SLX4IP: variants seen among roughly 807,000 people sequenced by gnomAD.
SLX4IP encodes the protein SLX4 interacting protein.
In SLX4IP, 34 loss-of-function variants were observed where a neutral mutation model predicts 32.9. The ratio of observed to expected loss-of-function variants is 1.03; its 90% CI spans 0.79 to 1.38. The LOEUF (loss-of-function observed/expected upper bound fraction) is 1.38, where lower values mean the gene tolerates loss of function less well. Among genes scored for constraint, SLX4IP ranks in the 40% most tolerant of loss-of-function variants. SLX4IP has a pLI of 0.00. For missense variants in SLX4IP, 444 were observed against 479.0 expected (o/e 0.93, Z 0.68); for synonymous variants, 172 against 171.7 (o/e 1.00, Z -0.01).
At chr20:10,592,248 T>C (rs2122538703) in intron 4 of SLX4IP, among the ~76,000 whole-genome samples, 1 of 152,256 alleles carries the variant, frequency 6.6e-6, no homozygotes, top group South Asian at 2.1e-4. Context: ...CAAATTTGTT[T>C]CCCAGTTGTG....
At chr20:10,463,117 T>C (rs574504002) in intron 2 of SLX4IP, among the ~76,000 whole-genome samples, 2 of 152,246 alleles carry the variant, frequency 1.3e-5, no homozygotes, top group South Asian at 4.1e-4. Context: ...TAATACCCTC[T>C]TCGTTGGGGA....
At chr20:10,475,048 C>T (rs958701894) in intron 2 of SLX4IP, among the ~76,000 whole-genome samples, 2 of 152,204 alleles carry the variant, frequency 1.3e-5, no homozygotes, top group African/African-American at 4.8e-5. Flanking sequence ...AGCTGCTCTT[C>T]ATTGGGAATA....
chr20:10,550,863 G>A (rs1418590738), intron 2 of SLX4IP, among the ~76,000 whole-genome samples: 7 of 152,178 alleles, frequency 4.6e-5, no homozygotes, highest in Admixed American at 2.0e-4. Flanking sequence ...CTCAGGCAGA[G>A]CTGTCACTCC....
chr20:10,558,362 A>C (rs950864557), intron 3 of SLX4IP, among the ~76,000 whole-genome samples: 53 of 112,918 alleles, frequency 4.7e-4, no homozygotes, highest in Non-Finnish European at 1.0e-3. Context: ...AAAAAAAAAA[A>C]CAATTCGCTG....
At chr20:10,441,359 C>G (rs2065158351) in intron 1 of SLX4IP, among the ~76,000 whole-genome samples, 1 of 152,136 alleles carries the variant, frequency 6.6e-6, no homozygotes, top group African/African-American at 2.4e-5. Context: ...TCACTTGAAC[C>G]TGGGGAGGTT....
chr20:10,467,128 G>A (rs1247731789), intron 2 of SLX4IP, among the ~76,000 whole-genome samples: 1 of 152,190 alleles, frequency 6.6e-6, no homozygotes, highest in East Asian at 1.9e-4. Flanking sequence ...TTTGCCTCAA[G>A]GAATCACTTA....
At chr20:10,524,241 A>G (rs1205514595) in intron 2 of SLX4IP, among the ~76,000 whole-genome samples, 4 of 152,220 alleles carry the variant, frequency 2.6e-5, no homozygotes, top group African/African-American at 9.6e-5. Flanking sequence ...ATGGCTCGCA[A>G]AACTCCAGGA....
At chr20:10,505,858 C>T (rs922766572) in intron 2 of SLX4IP, among the ~76,000 whole-genome samples, 1 of 151,726 alleles carries the variant, frequency 6.6e-6, no homozygotes, top group Non-Finnish European at 1.5e-5. Flanking sequence ...TCTAACCTGC[C>T]CATTTATGAG....
intron 2 of SLX4IP, among the ~76,000 whole-genome samples, chr20:10,471,161 A>G (rs897267785): frequency 6.6e-6 from 1 of 152,194 alleles, no homozygotes; most frequent in African/African-American, 2.4e-5. Flanking sequence ...GACATGCTGT[A>G]TGGTATTTGA....
At chr20:10,517,180 A>G (rs1256843719) in intron 2 of SLX4IP, among the ~76,000 whole-genome samples, 1 of 152,208 alleles carries the variant, frequency 6.6e-6, no homozygotes, top group Non-Finnish European at 1.5e-5. Flanking sequence ...CTTTGTTTCC[A>G]TAGGTACCAT....
chr20:10,593,759 G>A (rs1018713026), intron 4 of SLX4IP, among the ~76,000 whole-genome samples: 24 of 152,166 alleles, frequency 1.6e-4, no homozygotes, highest in African/African-American at 5.8e-4. Flanking sequence ...ATGTAGAATG[G>A]GGTTGTTCTA....
At chr20:10,613,664 CT>C in intron 6 of SLX4IP, 2 of 1,613,868 alleles carry the variant, frequency 1.2e-6, no homozygotes, top group Non-Finnish European at 1.7e-6. Context: ...TTGCATTCAT[CT>C]TTTGTGTTGA....
chr20:10,498,809 T>A (rs1173341927), intron 2 of SLX4IP, among the ~76,000 whole-genome samples: 2 of 152,042 alleles, frequency 1.3e-5, no homozygotes, highest in East Asian at 3.9e-4. Flanking sequence ...AAATTCTTTT[T>A]GAAAATCCTC....
At chr20:10,500,767 A>T (rs1487256198) in intron 2 of SLX4IP, among the ~76,000 whole-genome samples, 2 of 152,192 alleles carry the variant, frequency 1.3e-5, no homozygotes, top group Non-Finnish European at 2.9e-5. Flanking sequence ...TAAATAAAAT[A>T]AGTAAATAAA....
chr20:10,481,364 A>C (rs1717022798), intron 2 of SLX4IP, among the ~76,000 whole-genome samples: 1 of 152,214 alleles, frequency 6.6e-6, no homozygotes, highest in Non-Finnish European at 1.5e-5. Context: ...ATTGTCTCAT[A>C]TCTTGGAATC....
chr20:10,533,712 C>T (rs1176711781), intron 2 of SLX4IP, among the ~76,000 whole-genome samples: 3 of 150,978 alleles, frequency 2.0e-5, no homozygotes, highest in Non-Finnish European at 4.4e-5. Context: ...CTCCACCTCC[C>T]GAGCTCAAGC....
At chr20:10,618,574 A>AT (rs1027160541) in intron 6 of SLX4IP, among the ~76,000 whole-genome samples, 4 of 152,094 alleles carry the variant, frequency 2.6e-5, no homozygotes, top group African/African-American at 9.7e-5. Flanking sequence ...GGTTAATCTA[A>AT]TTTTTTAATA....
rs933915297 is a variant in SLX4IP, at chr20:10,569,768, G to A, written c.238+8948G>A. ...CTGAGGCCTCTCTCCTTGGCTTGTC[G>A]ATGGCCGTCCTCTCCCTTTGTCTTC... On this transcript the variant is annotated intron_variant, in intron 4 of 7. Transcript: ENST00000334534. Among the ~76,000 whole-genome samples the A allele has an allele frequency of 2.0e-5, 3 of 152,206 alleles. No homozygotes were observed. In the South Asian group the frequency reaches 6.2e-4, roughly 32 times the overall value.
At chr20:10,544,419 C>T (rs1415920958) in intron 2 of SLX4IP, among the ~76,000 whole-genome samples, 1 of 152,156 alleles carries the variant, frequency 6.6e-6, no homozygotes, top group Non-Finnish European at 1.5e-5. Context: ...GGTGTCCACT[C>T]CAGTTGCCAA....
Sources: allele counts gnomAD v4.1 joint callset (sites outside exome capture counted in the v4.1 genomes callset), GRCh38; gene constraint gnomAD v4.1.1; transcripts MANE v1.5; gene names NCBI Gene and HGNC (gene_info 2026-07-23, HGNC 2026-07-21).